WDR35: variants seen among roughly 807,000 people sequenced by gnomAD.
WDR35 encodes WD repeat domain 35.
In WDR35, 118 loss-of-function variants were observed where a neutral mutation model predicts 158.3. The observed-to-expected ratio is 0.75, with a 90% CI of 0.64 to 0.87. WDR35 has a LOEUF of 0.87. Among genes scored for constraint, WDR35 ranks in the 40% least tolerant of loss-of-function variants. The probability of loss-of-function intolerance (pLI) is 0.00; values close to 1 mark genes in which losing one functional copy is unlikely to be tolerated. For synonymous variants in WDR35, 448 were observed against 476.1 expected (o/e 0.94, Z 0.77); for missense variants, 1,263 against 1,405.8 (o/e 0.90, Z 1.62).
chr2:19,988,150 G>A (rs1185758693), intron 2 of WDR35, among the ~76,000 whole-genome samples: 1 of 152,106 alleles, frequency 6.6e-6, no homozygotes, highest in Non-Finnish European at 1.5e-5. Flanking sequence ...CGTGACCTAG[G>A]GCAGTTAACA....
intron 24 of WDR35, among the ~76,000 whole-genome samples, 184 bp downstream of exon 24, chr2:19,931,085 G>C (rs552973110): frequency 6.6e-6 from 1 of 152,032 alleles, no homozygotes; most frequent in East Asian, 1.9e-4. Context: ...AATATTTCTA[G>C]GTAGAAATTT....
At chr2:19,974,749 G>T in intron 6 of WDR35, 116 bp from the exon 7 acceptor site, 1 of 1,059,704 alleles carries the variant, frequency 9.4e-7, no homozygotes, top group Non-Finnish European at 1.3e-6. Context: ...AAAATCAGGT[G>T]GCAAATTAAA....
In WDR35 at chr2:19,933,437, T is replaced by G. The variant is rs766138190; in HGVS notation, c.2622A>C (p.Pro874=). The part of the protein sequence containing the change: ...AVTAFLKCSQ[P]KAAVDTCVHL... ...GTACGCAGGTATCTACTGCTGCCTTTGGTTGACTACATTTCAAAAATGCAG... is the reference window on the plus strand; with the variant it reads ...GTACGCAGGTATCTACTGCTGCCTTGGGTTGACTACATTTCAAAAATGCAG... The change falls in exon 22 of 27, where the codon CCA becomes CCC. Residue 874 remains proline (P), a synonymous_variant. Coordinates refer to ENST00000281405, the MANE Select transcript of WDR35 (RefSeq NM_020779.4). 116 of 1,613,942 alleles carry G rather than the reference T, an allele frequency of 7.2e-5. No homozygotes were observed. The highest frequency in any genetic ancestry group is 9.4e-5 in the Non-Finnish European group (111 of 1,179,974).
At chr2:19,982,936 T>G (rs893245152) in intron 2 of WDR35, among the ~76,000 whole-genome samples, 3 of 152,230 alleles carry the variant, frequency 2.0e-5, no homozygotes, top group African/African-American at 7.2e-5. Context: ...ATTTATTCAT[T>G]CATTTAACAA....
chr2:19,965,937 T>A (rs1040598431), intron 10 of WDR35, among the ~76,000 whole-genome samples: 1 of 152,236 alleles, frequency 6.6e-6, no homozygotes, highest in Non-Finnish European at 1.5e-5. Flanking sequence ...TGGCTTATGA[T>A]TCAGCTTTCT....
intron 25 of WDR35, among the ~76,000 whole-genome samples, chr2:19,929,736 A>G (rs1670469579): frequency 2.0e-5 from 3 of 152,320 alleles, no homozygotes; most frequent in African/African-American, 7.2e-5. Context: ...GGAAAAAACC[A>G]TGCTCCTGCA....
intron 25 of WDR35, among the ~76,000 whole-genome samples, chr2:19,920,027 C>T (rs1670120658): frequency 6.6e-6 from 1 of 152,254 alleles, no homozygotes; most frequent in South Asian, 2.1e-4. Flanking sequence ...CAAGACTAAA[C>T]CAGGAAGAAG....
intron 4 of WDR35, among the ~76,000 whole-genome samples, chr2:19,980,113 A>G (rs1672336818): frequency 6.6e-6 from 1 of 152,242 alleles, no homozygotes; most frequent in South Asian, 2.1e-4. Context: ...TAACTGGCCC[A>G]TGCAGGAAGT....
At chr2:19,931,492 G>T (rs1254320298) in intron 23 of WDR35, 83 bp from the exon 24 acceptor site, 2 of 1,520,952 alleles carry the variant, frequency 1.3e-6, no homozygotes, top group South Asian at 1.2e-5. Context: ...TAACAAATTT[G>T]ATTCCCTAAA....
chr2:19,969,734 A>G (rs1334741570), intron 8 of WDR35, 129 bp from the exon 9 acceptor site: 3 of 1,042,484 alleles, frequency 2.9e-6, no homozygotes, highest in African/African-American at 1.6e-5. Flanking sequence ...TCACTTTAAA[A>G]TCATGTTTCT....
rs368425374 is a variant in WDR35, at chr2:19,931,395, C to T, written c.2838G>A (p.Glu946=). 10 of 1,613,100 alleles carry T rather than the reference C, an allele frequency of 6.2e-6. No individual in the cohort carries two copies. In the African/African-American group the frequency reaches 1.1e-4, roughly 17 times the overall value. ...AKLMFKIADE[E]AKKGSKPLRV... ...GTAAAGGTTTACTTCCTTTCTTTGC[C>T]TCTTCATCTGCAATCTTAAACATTT... is the stretch of plus-strand genomic sequence containing the variant. Residue 946 remains glutamate (E), a synonymous_variant, in exon 24 of 27, where the codon GAG becomes GAA. Transcript: ENST00000281405.
intron 16 of WDR35, among the ~76,000 whole-genome samples, chr2:19,945,511 G>A (rs1387500749): frequency 6.6e-6 from 1 of 152,098 alleles, no homozygotes; most frequent in Non-Finnish European, 1.5e-5. Flanking sequence ...AAAGACTAGT[G>A]ACCATGGCTC....
chr2:19,916,027 C>T (rs903829400), intron 25 of WDR35, among the ~76,000 whole-genome samples: 2 of 152,120 alleles, frequency 1.3e-5, no homozygotes, highest in South Asian at 2.1e-4. Flanking sequence ...GGGTGATTTC[C>T]GCATTTCCAA....
chr2:19,937,038 C>T (rs1436306708), intron 19 of WDR35, among the ~76,000 whole-genome samples: 1 of 152,144 alleles, frequency 6.6e-6, no homozygotes, highest in East Asian at 1.9e-4. Flanking sequence ...CAAAACAAAA[C>T]ACAGTGTTAA....
At chr2:19,942,611 A>C (rs1389687076) in intron 16 of WDR35, among the ~76,000 whole-genome samples, 1 of 152,060 alleles carries the variant, frequency 6.6e-6, no homozygotes, top group Admixed American at 6.6e-5. Flanking sequence ...TAAACTCACA[A>C]AAGTTGATCC....
intron 25 of WDR35, among the ~76,000 whole-genome samples, chr2:19,926,605 C>A (rs757236387): frequency 6.6e-6 from 1 of 152,220 alleles, no homozygotes; most frequent in African/African-American, 2.4e-5. Context: ...ACAGCCCATA[C>A]ACAATTGAAT....
chr2:19,920,171 T>C (rs1558321549), intron 25 of WDR35, among the ~76,000 whole-genome samples: 1 of 152,200 alleles, frequency 6.6e-6, no homozygotes. Context: ...GCTGGTACTA[T>C]TCCTTCTGAA....
At chr2:19,945,721 A>T in intron 16 of WDR35, 65 bp downstream of exon 16, 1 of 1,572,300 alleles carries the variant, frequency 6.4e-7, no homozygotes, top group African/African-American at 1.3e-5. Context: ...ACAAAGGGGA[A>T]TCATCCAGGT....
At chr2:19,915,460 T>A (rs1230650379) in intron 25 of WDR35, among the ~76,000 whole-genome samples, 2 of 151,242 alleles carry the variant, frequency 1.3e-5, no homozygotes, top group Non-Finnish European at 2.9e-5. Flanking sequence ...ATGAGGCATA[T>A]AGAGATCTTC....
Sources: allele counts gnomAD v4.1 joint callset (sites outside exome capture counted in the v4.1 genomes callset), GRCh38; gene constraint gnomAD v4.1.1; transcripts MANE v1.5; gene names NCBI Gene and HGNC (gene_info 2026-07-23, HGNC 2026-07-21).